TENM3: variants seen among roughly 807,000 people sequenced by gnomAD.
TENM3 encodes the protein teneurin transmembrane protein 3, also known as teneurin-3.
TENM3 carries 63 observed loss-of-function variants against 255.1 expected under a neutral mutation model. The observed-to-expected ratio is 0.25, with a 90% CI of 0.20 to 0.30. The LOEUF is 0.30. Among genes scored for constraint, TENM3 ranks in the 10% least tolerant of loss-of-function variants. The probability of loss-of-function intolerance (pLI) is 1.00; values close to 1 mark genes in which losing one functional copy is unlikely to be tolerated. For missense variants in TENM3, 2,929 were observed against 3,461.1 expected, an observed-to-expected ratio of 0.85 and a Z score of 3.86; for synonymous variants, 1,306 against 1,322.3, an observed-to-expected ratio of 0.99 and a Z score of 0.27.
the TENM3 span, among the ~76,000 whole-genome samples, chr4:182,066,408 C>A: frequency 6.6e-6 from 1 of 151,978 alleles, no homozygotes; most frequent in Non-Finnish European, 1.5e-5. Context: ...ATGTCAATAA[C>A]AACAACAACG....
intron 3 of TENM3, among the ~76,000 whole-genome samples, chr4:182,477,282 G>C (rs1482099897): frequency 1.3e-5 from 2 of 152,140 alleles, no homozygotes; most frequent in Non-Finnish European, 2.9e-5. Context: ...AGCCTTGTAT[G>C]AGCATCCTGG....
chr4:182,138,164 A>G, the TENM3 span, among the ~76,000 whole-genome samples: 1 of 152,202 alleles, frequency 6.6e-6, no homozygotes. Context: ...ACTGAAAGTG[A>G]TAACAGTAGA....
At chr4:181,488,147 TCTGAG>T in the TENM3 span, among the ~76,000 whole-genome samples, 1 of 152,212 alleles carries the variant, frequency 6.6e-6, no homozygotes, top group Non-Finnish European at 1.5e-5. Context: ...ACTTAACTTC[TCTGAG>T]ATCTGTTTCC....
At chr4:182,659,051 G>C (rs942068533) in intron 6 of TENM3, among the ~76,000 whole-genome samples, 1 of 152,202 alleles carries the variant, frequency 6.6e-6, no homozygotes, top group African/African-American at 2.4e-5. Flanking sequence ...AAGTCAGCAA[G>C]GTCAGCCAAG....
rs143800932 is a variant in TENM3, at chr4:182,520,165, G to A, written c.512-80759G>A. Reference sequence around the variant, plus strand: ...GGAAGGAAGAACGAAAATTGTCTTCGTTTGCAGACTACATGATCTTGTCTT... The same window carrying A: ...GGAAGGAAGAACGAAAATTGTCTTCATTTGCAGACTACATGATCTTGTCTT... On this transcript the variant is annotated intron_variant, in intron 3 of 27. Transcript: ENST00000511685. Among the ~76,000 whole-genome samples, 234 of 152,106 alleles carry A rather than the reference G, an allele frequency of 1.5e-3. 1 individual carries two copies. The highest frequency in any genetic ancestry group is 0.011 in the East Asian group (56 of 5,176).
chr4:181,465,281 A>G, the TENM3 span, among the ~76,000 whole-genome samples: 5 of 42,074 alleles, frequency 1.2e-4, no homozygotes, highest in Admixed American at 5.3e-4. Flanking sequence ...AAGACAACTG[A>G]AAAAAAAAAA....
chr4:181,967,483 G>T, the TENM3 span, among the ~76,000 whole-genome samples: 1 of 152,030 alleles, frequency 6.6e-6, no homozygotes, highest in African/African-American at 2.4e-5. Context: ...TCCTATCACC[G>T]GTTTAAAAGC....
At chr4:182,525,516 C>T (rs1411269244) in intron 3 of TENM3, among the ~76,000 whole-genome samples, 1 of 152,200 alleles carries the variant, frequency 6.6e-6, no homozygotes, top group Non-Finnish European at 1.5e-5. Context: ...GCTTTCTCTC[C>T]TTTATACTTT....
the TENM3 span, among the ~76,000 whole-genome samples, chr4:181,754,996 A>T: frequency 6.6e-6 from 1 of 152,156 alleles, no homozygotes; most frequent in Non-Finnish European, 1.5e-5. Flanking sequence ...AAGGGCAAAC[A>T]TGAGGGTTTG....
intron 5 of TENM3, among the ~76,000 whole-genome samples, chr4:182,634,932 A>T (rs996278004): frequency 2.0e-5 from 3 of 152,204 alleles, no homozygotes; most frequent in African/African-American, 4.8e-5. Flanking sequence ...CTCATGAAGG[A>T]TAAACATTAT....
intron 3 of TENM3, among the ~76,000 whole-genome samples, chr4:182,407,456 G>C (rs913319257): frequency 6.6e-6 from 1 of 152,180 alleles, no homozygotes; most frequent in Non-Finnish European, 1.5e-5. Flanking sequence ...ATGGCTAGTA[G>C]TAAGTAGTTC....
In TENM3 at chr4:182,600,985, G is replaced by A. The variant is rs746997579; in HGVS notation, c.573G>A (p.Gln191=). The A allele has an allele frequency of 6.3e-7, 1 of 1,580,720 alleles. No homozygotes were observed. Among genetic ancestry groups the A allele is most frequent in the South Asian group, 1.1e-5 (1 of 90,226 alleles). The part of the protein sequence containing the change: ...TLQPLPPSHK[Q]HSAQHHPSIT... ...AGCCCTTGCCGCCTTCCCATAAGCAGCACTCTGCACAGCATCATCCATCCA... is the reference window on the plus strand; with the variant it reads ...AGCCCTTGCCGCCTTCCCATAAGCAACACTCTGCACAGCATCATCCATCCA... Residue 191 remains glutamine, a synonymous_variant, in exon 4 of 28, where the codon CAG becomes CAA. Transcript: ENST00000511685.
intron 24 of TENM3, among the ~76,000 whole-genome samples, chr4:182,775,354 G>A (rs981996795): frequency 1.3e-5 from 2 of 152,146 alleles, no homozygotes; most frequent in African/African-American, 2.4e-5. Flanking sequence ...TCGTGAGAGG[G>A]CTGAGAAGAA....
chr4:182,331,127 C>T (rs1763725624), intron 2 of TENM3, among the ~76,000 whole-genome samples: 1 of 152,080 alleles, frequency 6.6e-6, no homozygotes, highest in Non-Finnish European at 1.5e-5. Context: ...GATTGACTAG[C>T]AGTCTGACCA....
At chr4:181,467,235 T>A in the TENM3 span, among the ~76,000 whole-genome samples, 1 of 147,434 alleles carries the variant, frequency 6.8e-6, no homozygotes, top group African/African-American at 2.5e-5. Context: ...GTTTAAGCAA[T>A]TCTCCTTGTC....
chr4:182,093,819 C>G, the TENM3 span, among the ~76,000 whole-genome samples: 1 of 152,090 alleles, frequency 6.6e-6, no homozygotes, highest in Non-Finnish European at 1.5e-5. Flanking sequence ...ACTGTAGACA[C>G]AATGTCAGGG....
chr4:181,519,940 C>CA, the TENM3 span, among the ~76,000 whole-genome samples: 4 of 152,196 alleles, frequency 2.6e-5, no homozygotes, highest in East Asian at 7.7e-4. Context: ...TCGTTCGGCA[C>CA]ATGCAAGATT....
the TENM3 span, among the ~76,000 whole-genome samples, chr4:181,860,807 C>T: frequency 2.0e-5 from 3 of 152,118 alleles, no homozygotes. Context: ...TTTTTAACAT[C>T]ATATGGAGTC....
chr4:181,540,138 C>T, the TENM3 span, among the ~76,000 whole-genome samples: 21 of 152,024 alleles, frequency 1.4e-4, no homozygotes, highest in South Asian at 6.2e-4. Context: ...ACAGAACAGA[C>T]GCCATGATGA....
Sources: gnomAD v4.1 joint callset for allele counts (sites outside exome capture counted in the v4.1 genomes callset) on GRCh38, gnomAD v4.1.1 for gene constraint, MANE v1.5 for transcripts, NCBI Gene and HGNC (gene_info 2026-07-23, HGNC 2026-07-21) for gene names.